The following ZMAT4 variants were observed in gnomAD, a reference collection of about 807,000 sequenced individuals.
ZMAT4 encodes zinc finger matrin-type 4, also known as zinc finger matrin-type protein 4.
ZMAT4 carries 17 observed loss-of-function variants against 28.7 expected under a neutral mutation model. That is an observed-to-expected ratio of 0.59 (90% CI 0.41 to 0.89). The LOEUF (loss-of-function observed/expected upper bound fraction) is 0.89, where lower values mean the gene tolerates loss of function less well. Ranked by LOEUF, ZMAT4 falls within the 40% of genes least tolerant of loss-of-function variation. ZMAT4 has a pLI of 0.00. For missense variants in ZMAT4, 240 were observed against 283.8 expected (o/e 0.85, Z 1.11); for synonymous variants, 117 against 109.2 (o/e 1.07, Z -0.44).
chr8:40,673,471 G>T (rs1400346900), intron 5 of ZMAT4, among the ~76,000 whole-genome samples: 1 of 152,074 alleles, frequency 6.6e-6, no homozygotes, highest in Non-Finnish European at 1.5e-5. Context: ...AAATTGATTT[G>T]CAAATGTTGT....
chr8:40,579,272 G>A (rs536042907), intron 6 of ZMAT4, among the ~76,000 whole-genome samples: 97 of 152,226 alleles, frequency 6.4e-4, no homozygotes, highest in African/African-American at 2.3e-3. Flanking sequence ...ATTGAGTGAT[G>A]AATACATGCT....
At chr8:40,788,369 G>T (rs1314417609) in intron 2 of ZMAT4, among the ~76,000 whole-genome samples, 1 of 152,128 alleles carries the variant, frequency 6.6e-6, no homozygotes, top group Non-Finnish European at 1.5e-5. Flanking sequence ...CGGATCACGA[G>T]GTCAGGAGAT....
intron 1 of ZMAT4, among the ~76,000 whole-genome samples, chr8:40,877,439 G>A (rs571406451): frequency 2.6e-5 from 4 of 152,176 alleles, no homozygotes; most frequent in South Asian, 2.1e-4. Flanking sequence ...AGGCTGGAAC[G>A]ATTGGCTGCT....
chr8:40,683,641 C>T (rs1267155009), intron 4 of ZMAT4, among the ~76,000 whole-genome samples: 2 of 152,076 alleles, frequency 1.3e-5, no homozygotes, highest in East Asian at 3.9e-4. Flanking sequence ...CACTGAGAAA[C>T]AAGAAACACA....
chr8:40,767,663 G>T lies in ZMAT4; in HGVS notation c.170C>A (p.Ala57Asp). The change falls in exon 3 of 7, where the codon GCC (alanine) becomes GAC (aspartate). Residue 57 changes from alanine (A) to aspartate (D), a missense_variant. By Grantham distance (126) the Ala-to-Asp change is moderately radical. Transcript: ENST00000297737. ...CACATTTTCTGACCGGAGCCTCTTG[G>T]CAGGACACCCTCCATCCCTGGGGTG... The part of the protein sequence containing the change: ...MLHPRDGGCP[A>D]KRLRSENGSD... 6.2e-7 allele frequency: 1 copy of T among 1,612,892 alleles called. No individual in the cohort carries two copies. Among genetic ancestry groups the T allele is most frequent in the Non-Finnish European group, 8.5e-7 (1 of 1,179,584 alleles).
chr8:40,644,351 G>T (rs1034760735), intron 5 of ZMAT4, among the ~76,000 whole-genome samples: 1 of 152,020 alleles, frequency 6.6e-6, no homozygotes, highest in Non-Finnish European at 1.5e-5. Context: ...TACAAAATGA[G>T]CCTTGAGCAT....
intron 5 of ZMAT4, among the ~76,000 whole-genome samples, chr8:40,592,221 C>T (rs1339473083): frequency 6.6e-6 from 1 of 152,128 alleles, no homozygotes; most frequent in Non-Finnish European, 1.5e-5. Context: ...GTTTGCCATG[C>T]CATTCCCATA....
intron 1 of ZMAT4, among the ~76,000 whole-genome samples, chr8:40,858,158 C>T (rs1000661970): frequency 6.6e-6 from 1 of 152,128 alleles, no homozygotes; most frequent in Non-Finnish European, 1.5e-5. Context: ...GACCTCAATA[C>T]TTTTTTCACA....
intron 5 of ZMAT4, among the ~76,000 whole-genome samples, chr8:40,654,431 G>T (rs1807827428): frequency 6.6e-6 from 1 of 151,978 alleles, no homozygotes; most frequent in Non-Finnish European, 1.5e-5. Context: ...CTTTTTCATT[G>T]TTTAACCCTG....
chr8:40,563,705 G>A (rs1563341794), intron 6 of ZMAT4, among the ~76,000 whole-genome samples: 2 of 152,104 alleles, frequency 1.3e-5, no homozygotes, highest in African/African-American at 2.4e-5. Flanking sequence ...TGCTTGACTT[G>A]ATAAGGTATC....
intron 3 of ZMAT4, among the ~76,000 whole-genome samples, chr8:40,756,457 T>TAC (rs68106375): frequency 0.02 from 2,293 of 113,230 alleles, 107 homozygotes; most frequent in Middle Eastern, 0.044. Flanking sequence ...TATATATATA[T>TAC]ACACACTTGT....
At chr8:40,715,544 C>T (rs773599674) in intron 3 of ZMAT4, among the ~76,000 whole-genome samples, 49 of 152,294 alleles carry the variant, frequency 3.2e-4, no homozygotes, top group Non-Finnish European at 6.2e-4. Flanking sequence ...ATTGTCTAAA[C>T]ATTCCACAGT....
chr8:40,859,779 G>A (rs1252037251), intron 1 of ZMAT4, among the ~76,000 whole-genome samples: 1 of 151,922 alleles, frequency 6.6e-6, no homozygotes, highest in Non-Finnish European at 1.5e-5. Context: ...AGCCAAGTTA[G>A]GTCATGAGGG....
intron 1 of ZMAT4, among the ~76,000 whole-genome samples, chr8:40,884,019 AG>A (rs1457182259): frequency 2.0e-5 from 3 of 152,210 alleles, no homozygotes; most frequent in African/African-American, 4.8e-5. Context: ...TTAGAGACGC[AG>A]CACAACTCTC....
At chr8:40,837,462 G>C (rs11989525) in intron 1 of ZMAT4, among the ~76,000 whole-genome samples, 1 of 152,160 alleles carries the variant, frequency 6.6e-6, no homozygotes, top group Admixed American at 6.5e-5. Flanking sequence ...TATCCAGCAT[G>C]ACCTTAACTA....
intron 3 of ZMAT4, among the ~76,000 whole-genome samples, chr8:40,723,542 C>G (rs1444393495): frequency 1.5e-5 from 1 of 66,852 alleles, no homozygotes; most frequent in African/African-American, 5.9e-5. Flanking sequence ...GATTCCATCT[C>G]AAAAAAAAAA....
At chr8:40,727,541 A>G in intron 3 of ZMAT4, among the ~76,000 whole-genome samples, 1 of 152,194 alleles carries the variant, frequency 6.6e-6, no homozygotes, top group East Asian at 1.9e-4. Flanking sequence ...ATACTTGAAC[A>G]AAATTGGAGA....
chr8:40,862,340 T>A (rs1341810173), intron 1 of ZMAT4, among the ~76,000 whole-genome samples: 2 of 143,258 alleles, frequency 1.4e-5, no homozygotes, highest in African/African-American at 2.6e-5. Context: ...AAACACCGCA[T>A]ATTCTCACTC....
intron 2 of ZMAT4, among the ~76,000 whole-genome samples, chr8:40,780,403 G>A (rs548754149): frequency 6.6e-6 from 1 of 152,102 alleles, no homozygotes; most frequent in Non-Finnish European, 1.5e-5. Flanking sequence ...TCATAAAGTC[G>A]AACAATTGTT....
Sources: allele counts gnomAD v4.1 joint callset (sites outside exome capture counted in the v4.1 genomes callset), GRCh38; gene constraint gnomAD v4.1.1; transcripts MANE v1.5; gene names NCBI Gene and HGNC (gene_info 2026-07-23, HGNC 2026-07-21).